Variants in HTRA1 observed in about 807,000 individuals in gnomAD.
HTRA1 encodes serine protease HTRA1.
A neutral mutation model predicts 49.7 loss-of-function variants in HTRA1; 26 were observed. The ratio of observed to expected loss-of-function variants is 0.52; its 90% CI spans 0.38 to 0.73. HTRA1 has a LOEUF of 0.73. Among genes scored for constraint, HTRA1 ranks in the 30% least tolerant of loss-of-function variants. HTRA1 has a pLI of 0.00. For missense variants in HTRA1, 561 were observed against 667.2 expected, an observed-to-expected ratio of 0.84 and a Z score of 1.75; for synonymous variants, 291 against 286.9, an observed-to-expected ratio of 1.01 and a Z score of -0.14.
At chr10:122,514,068 C>A (rs2097506832) in intron 8 of HTRA1, 123 bp from the exon 9 acceptor site, 2 of 980,778 alleles carry the variant, frequency 2.0e-6, no homozygotes, top group African/African-American at 3.2e-5. Context: ...TCTAAGTTCG[C>A]CACCGTCCAA....
chr10:122,461,869 G>T lies in HTRA1; in HGVS notation c.217G>T (p.Gly73Cys). The change falls in exon 1 of 9, where the codon GGC (glycine) becomes TGC (cysteine). Residue 73 changes from glycine (G) to cysteine (C), a missense_variant. Gly to Cys is a radical substitution (Grantham distance 159, BLOSUM62 -3). Around this residue, in one of 3 missense-constraint regions of HTRA1, gnomAD observed 271 missense variants for 410.0 expected, o/e 0.66. Coordinates refer to ENST00000368984, the MANE Select transcript of HTRA1 (RefSeq NM_002775.5). The stretch of plus-strand genomic sequence containing the variant: ...CTGCGAGGTGTGCGGCGCGCCCGAG[G>T]GCGCCGCGTGCGGCCTGCAGGAGGG... The part of the protein sequence containing the change: ...GCCEVCGAPE[G>C]AACGLQEGPC... The T allele has an allele frequency of 8.2e-7, 1 of 1,220,440 alleles. No homozygotes were observed. Among genetic ancestry groups the T allele is most frequent in the South Asian group, 3.5e-5 (1 of 28,410 alleles). 75.6% of individuals were successfully genotyped at this position (1,220,440 alleles called of 1,614,324 possible).
At chr10:122,508,825 C>A in intron 6 of HTRA1, 55 bp downstream of exon 6, 1 of 1,077,646 alleles carries the variant, frequency 9.3e-7, no homozygotes, top group Non-Finnish European at 1.4e-6. Context: ...TGAAGCTCAG[C>A]TGCCCTTTGG....
Position 122,490,693 on chromosome 10 carries a change from G to C in HTRA1, c.777+1067G>C, listed in dbSNP as rs1334342280. ...GCCTCGCTTTACCTGGGTGTGGGCT[G>C]AGTAATTCCAGACAAGCGTGGAATT... On this transcript the variant is annotated intron_variant, in intron 3 of 8. Transcript: ENST00000368984. The surrounding 1 kb of genome is among the most constrained non-coding windows in gnomAD (Gnocchi z 4.2). Among the ~76,000 whole-genome samples, 3 of 152,172 alleles carry C rather than the reference G, an allele frequency of 2.0e-5. No individual in the cohort carries two copies. The highest frequency in any genetic ancestry group is 4.4e-5 in the Non-Finnish European group (3 of 68,022).
intron 1 of HTRA1, among the ~76,000 whole-genome samples, chr10:122,471,185 TTCTC>T (rs1320251763): frequency 6.6e-6 from 1 of 152,174 alleles, no homozygotes; most frequent in East Asian, 1.9e-4. Flanking sequence ...AGTCTGACCT[TTCTC>T]CACCAGCATT....
Position 122,498,496 on chromosome 10 carries a change from A to G in HTRA1, c.778-8195A>G, listed in dbSNP as rs188524318. 2.4e-4 allele frequency among the ~76,000 whole-genome samples: 37 copies of G among 151,542 alleles called. No individual in the cohort carries two copies. In the East Asian group the frequency reaches 7.2e-3, roughly 30 times the overall value. ...CTCTAATCTAAATCCCAAGCTTCTC[A>G]CTCTTGGTCCACCACCTCCCAGCCT... On this transcript the variant is annotated intron_variant, in intron 3 of 8. Transcript: ENST00000368984.
At chr10:122,473,366 G>C (rs928308912) in intron 1 of HTRA1, among the ~76,000 whole-genome samples, 1 of 152,134 alleles carries the variant, frequency 6.6e-6, no homozygotes, top group African/African-American at 2.4e-5. Flanking sequence ...CCCAGAGCTC[G>C]CTGCACTGAG....
chr10:122,508,437 G>A (rs531723459), intron 5 of HTRA1, among the ~76,000 whole-genome samples: 13 of 152,368 alleles, frequency 8.5e-5, no homozygotes, highest in Admixed American at 3.9e-4. Flanking sequence ...ACCCAGTGCC[G>A]ACCTGGAGTA....
chr10:122,461,703 G>T lies in HTRA1; in HGVS notation c.51G>T (p.Ala17=), dbSNP rs751549406. 5 of 1,297,054 alleles carry T rather than the reference G, an allele frequency of 3.9e-6. No homozygotes were observed. In the African/African-American group the frequency reaches 8.0e-5, roughly 21 times the overall value. The allele number at this position is 1,297,054 out of a possible 1,614,324, so 80.3% of individuals were successfully genotyped here. The change falls in exon 1 of 9, where the codon GCG becomes GCT. Residue 17 remains alanine, a synonymous_variant. Transcript: ENST00000368984. The part of the protein sequence containing the change: ...ALLPLLLLLL[A]APASAQLSRA... ...TCCCGCTGCTGCTGCTGCTGCTGGC[G>T]GCGCCCGCCTCGGCGCAGCTGTCCC...
Position 122,508,744 on chromosome 10 carries a change from C to T in HTRA1, c.1094C>T (p.Thr365Met), listed in dbSNP as rs139620409. 1.2e-4 allele frequency: 191 copies of T among 1,612,734 alleles called. No individual in the cohort carries two copies. In the African/African-American group the frequency reaches 2.1e-3, roughly 18 times the overall value. The part of the protein sequence containing the change: ...IPSDKIKKFL[T>M]ESHDRQAKGK... ...TCTGATAAGATTAAAAAGTTCCTCACGGAGTCCCATGACCGACAGGCCAAA... is the reference window on the plus strand; with the variant it reads ...TCTGATAAGATTAAAAAGTTCCTCATGGAGTCCCATGACCGACAGGCCAAA... Residue 365 changes from threonine (T) to methionine (M), a missense_variant, in exon 6 of 9, where the codon ACG becomes ATG. Physicochemically the swap from Thr to Met is moderately conservative, Grantham distance 81. Coordinates refer to ENST00000368984, the MANE Select transcript of HTRA1 (RefSeq NM_002775.5).
intron 3 of HTRA1, among the ~76,000 whole-genome samples, chr10:122,505,463 C>T (rs1352979090): frequency 3.3e-5 from 5 of 152,090 alleles, no homozygotes; most frequent in Non-Finnish European, 7.4e-5. Context: ...TCTGTTTTTC[C>T]GATCCCAGTC....
chr10:122,481,081 T>C (rs776685912), intron 1 of HTRA1, among the ~76,000 whole-genome samples: 111 of 152,132 alleles, frequency 7.3e-4, no homozygotes, highest in Admixed American at 2.5e-3. Context: ...ACAGAGAAAA[T>C]AGAATAATTT....
chr10:122,514,350 T>A lies in HTRA1; in HGVS notation c.1434T>A (p.Ile478=). 6.2e-7 allele frequency: 1 copy of A among 1,614,000 alleles called. No individual in the cohort carries two copies. The highest frequency in any genetic ancestry group is 8.5e-7 in the Non-Finnish European group (1 of 1,179,950). ...DIMITVIPEE[I]DP is the part of the protein sequence containing the mutation. ...TGATCACAGTGATTCCCGAAGAAAT[T>A]GACCCATAGGCAGAGGCATGAGCTG... Residue 478 remains isoleucine (I), a synonymous_variant, in exon 9 of 9, where the codon ATT becomes ATA. Coordinates refer to ENST00000368984, the MANE Select transcript of HTRA1 (RefSeq NM_002775.5).
Position 122,506,567 on chromosome 10 carries a change from C to T in HTRA1, c.778-124C>T, listed in dbSNP as rs147590579. The stretch of plus-strand genomic sequence containing the variant: ...GGGATGTTAGTTGTGAGCTCAGTTC[C>T]CCACCGGGCCTGGTGTTTCCAAATA... On this transcript the variant is annotated intron_variant, in intron 3 of 8. Coordinates refer to ENST00000368984, the MANE Select transcript of HTRA1 (RefSeq NM_002775.5). The surrounding 1 kb of genome is among the most constrained non-coding windows in gnomAD (Gnocchi z 5.2). 38 of 820,388 alleles carry T rather than the reference C, an allele frequency of 4.6e-5. No individual in the cohort carries two copies. In the East Asian group the frequency reaches 9.8e-4, roughly 21 times the overall value. The allele number at this position is 820,388 out of a possible 1,614,324, so 50.8% of individuals were successfully genotyped here.
chr10:122,511,693 A>G (rs1385244431), intron 7 of HTRA1, among the ~76,000 whole-genome samples: 2 of 151,354 alleles, frequency 1.3e-5, no homozygotes, highest in African/African-American at 2.4e-5. Context: ...AGATCGTACC[A>G]CTGCACTCCA....
chr10:122,475,671 G>T (rs79057333), intron 1 of HTRA1, among the ~76,000 whole-genome samples: 2 of 152,158 alleles, frequency 1.3e-5, no homozygotes, highest in Non-Finnish European at 2.9e-5. Flanking sequence ...GGCTGCCTGG[G>T]CCACCACTTA....
At chr10:122,512,226 C>T (rs891168644) in intron 8 of HTRA1, among the ~76,000 whole-genome samples, 161 bp downstream of exon 8, 2 of 152,124 alleles carry the variant, frequency 1.3e-5, no homozygotes, top group African/African-American at 2.4e-5. Context: ...CCAGGCCTTC[C>T]GACCTGGCTC....
chr10:122,508,856 G>A (rs1041958799), intron 6 of HTRA1, 86 bp downstream of exon 6: 71 of 836,594 alleles, frequency 8.5e-5, no homozygotes, highest in Admixed American at 8.2e-4. Context: ...AGGGAAAAGC[G>A]GCAGCCCCTA....
At position 122,514,296 on chromosome 10, in the gene HTRA1, G is replaced by A. The variant is rs751306435; in HGVS notation, c.1380G>A (p.Met460Ile). The A allele has an allele frequency of 6.2e-7, 1 of 1,614,044 alleles. No individual in the cohort carries two copies. Among genetic ancestry groups the A allele is most frequent in the Non-Finnish European group, 8.5e-7 (1 of 1,180,026 alleles). ...DVIKRESTLN[M>I]VVRRGNEDIM... Reference sequence around the variant, plus strand: ...TTAAAAGGGAAAGCACCCTGAACATGGTGGTCCGCAGGGGTAATGAAGATA... The same window carrying A: ...TTAAAAGGGAAAGCACCCTGAACATAGTGGTCCGCAGGGGTAATGAAGATA... The change falls in exon 9 of 9, where the codon ATG (methionine) becomes ATA (isoleucine). Residue 460 changes from methionine to isoleucine, a missense_variant. By Grantham distance (10) the Met-to-Ile change is conservative. This residue lies in a region of HTRA1 where 179 missense variants were observed against 173.4 expected (regional missense o/e 1.03). Transcript: ENST00000368984.
intron 8 of HTRA1, among the ~76,000 whole-genome samples, chr10:122,512,693 T>C (rs2097506185): frequency 1.3e-5 from 2 of 152,212 alleles, no homozygotes; most frequent in African/African-American, 4.8e-5. Flanking sequence ...ATTTTATTTT[T>C]ATTTTTACTT....
Sources: allele counts gnomAD v4.1 joint callset (sites outside exome capture counted in the v4.1 genomes callset), GRCh38; gene constraint gnomAD v4.1.1; regional missense constraint gnomAD v4.1.1; non-coding constraint Gnocchi (gnomAD v3.1); transcripts MANE v1.5; gene names NCBI Gene and HGNC (gene_info 2026-07-23, HGNC 2026-07-21).